The following EFCAB6 variants were observed in gnomAD, a reference collection of about 807,000 sequenced individuals.
EFCAB6 encodes EF-hand calcium binding domain 6, also known as EF-hand calcium-binding domain-containing protein 6.
In EFCAB6, 156 loss-of-function variants were observed where a neutral mutation model predicts 169.8. The ratio of observed to expected loss-of-function variants is 0.92; its 90% CI spans 0.81 to 1.05. EFCAB6 has a LOEUF of 1.05. EFCAB6 is among the 50% of genes least tolerant of loss of function. The pLI is 0.00. For missense variants in EFCAB6, 1,800 were observed against 1,829.1 expected (o/e 0.98, Z 0.29); for synonymous variants, 698 against 676.4 (o/e 1.03, Z -0.50).
chr22:43,690,406 C>G (rs990561600), intron 10 of EFCAB6, among the ~76,000 whole-genome samples: 4 of 150,192 alleles, frequency 2.7e-5, no homozygotes, highest in Middle Eastern at 3.2e-3. Context: ...ATCCCAGCTA[C>G]TCAGGAGGCT....
chr22:43,655,863 G>C (rs2056713696), intron 17 of EFCAB6, among the ~76,000 whole-genome samples: 1 of 152,156 alleles, frequency 6.6e-6, no homozygotes, highest in Non-Finnish European at 1.5e-5. Flanking sequence ...AGATGACATA[G>C]GCCTGAAGGC....
chr22:43,614,175 T>A (rs1340763480), intron 21 of EFCAB6, among the ~76,000 whole-genome samples: 2 of 9,120 alleles, frequency 2.2e-4, no homozygotes, highest in East Asian at 3.5e-3. Flanking sequence ...AACACAATAC[T>A]GCAAAAAAAA....
chr22:43,611,330 T>A (rs1602596575), intron 21 of EFCAB6, among the ~76,000 whole-genome samples: 1 of 152,322 alleles, frequency 6.6e-6, no homozygotes, highest in Non-Finnish European at 1.5e-5. Flanking sequence ...TACAAAACAC[T>A]GCTCAAAGAT....
rs2054995320 is a variant in EFCAB6 at position 43,632,139 on chromosome 22, T to G, written c.2198A>C (p.Lys733Thr). The G allele has an allele frequency of 6.2e-7, 1 of 1,614,158 alleles. No homozygotes were observed. Among genetic ancestry groups the G allele is most frequent in the Non-Finnish European group, 8.5e-7 (1 of 1,180,020 alleles). Residue 733 changes from lysine to threonine, a missense_variant, in exon 19 of 32, where the codon AAG becomes ACG. Lys to Thr is a moderately conservative substitution (Grantham distance 78). Transcript: ENST00000262726. ...SHFITAEECL[K>T]LFPRRLKESF... ...CTCCTTCAGCCTCCTAGGGAAAAGC[T>G]TCAGGCATTCTTCTGCGGTGATAAA... is the stretch of plus-strand genomic sequence containing the variant.
chr22:43,763,938 T>A lies in EFCAB6; in HGVS notation c.440+1367A>T, dbSNP rs78577795. On this transcript the variant is annotated intron_variant, in intron 5 of 31. Coordinates refer to ENST00000262726, the MANE Select transcript of EFCAB6 (RefSeq NM_022785.4). ...CCACCATGCTCAGCTAATTTTTAAGTTTTTTGTAGAGATGAGATCTCACTA... is the reference window on the plus strand; with the variant it reads ...CCACCATGCTCAGCTAATTTTTAAGATTTTTGTAGAGATGAGATCTCACTA... 2.7e-3 allele frequency among the ~76,000 whole-genome samples: 408 copies of A among 151,780 alleles called. 2 individuals are homozygous for A. Among genetic ancestry groups the A allele is most frequent in the African/African-American group, 9.4e-3 (390 of 41,370 alleles).
At chr22:43,658,741 G>A (rs2056868762) in intron 17 of EFCAB6, among the ~76,000 whole-genome samples, 1 of 152,206 alleles carries the variant, frequency 6.6e-6, no homozygotes. Context: ...GGAGGAATAA[G>A]TAACAACTTC....
intron 11 of EFCAB6, among the ~76,000 whole-genome samples, chr22:43,685,738 T>C (rs1018711097): frequency 1.3e-5 from 2 of 152,206 alleles, no homozygotes; most frequent in Admixed American, 6.5e-5. Context: ...GTGCATGCGA[T>C]TACCCACCAT....
chr22:43,769,761 T>A (rs1301105071), intron 4 of EFCAB6, among the ~76,000 whole-genome samples: 1 of 151,992 alleles, frequency 6.6e-6, no homozygotes, highest in Admixed American at 6.6e-5. Flanking sequence ...GAGGGCATCA[T>A]CATAGTGGGG....
intron 25 of EFCAB6, 69 bp from the exon 26 acceptor site, chr22:43,576,557 A>C: frequency 1.5e-6 from 2 of 1,354,628 alleles, no homozygotes; most frequent in Non-Finnish European, 9.8e-7. Flanking sequence ...CACTTTCCTT[A>C]AGTACTGTTT....
chr22:43,669,917 C>T (rs140217650), intron 15 of EFCAB6, among the ~76,000 whole-genome samples: 2 of 152,264 alleles, frequency 1.3e-5, no homozygotes, highest in East Asian at 1.9e-4. Flanking sequence ...CATGTAGAGT[C>T]GAGTCCATCA....
chr22:43,598,050 G>A (rs1269569585), intron 23 of EFCAB6, among the ~76,000 whole-genome samples: 2 of 152,112 alleles, frequency 1.3e-5, no homozygotes, highest in African/African-American at 4.8e-5. Flanking sequence ...AGTGGCTCAC[G>A]CCTGTAAGAC....
chr22:43,636,898 C>T (rs909160030), intron 17 of EFCAB6, among the ~76,000 whole-genome samples: 3 of 152,126 alleles, frequency 2.0e-5, no homozygotes, highest in South Asian at 2.1e-4. Context: ...CCACCACGCC[C>T]GTCCTCAAAC....
In EFCAB6 at chr22:43,626,568, AC is replaced by A. The variant is rs751475502; in HGVS notation, c.2343del (p.Glu781AspfsTer11). ...LHLLLNLKDD[E>X]FERFLGLLGL... is the part of the protein sequence containing the mutation. Reference sequence around the variant, plus strand: ...CCAAGAAGGCCAAGGAAGCGCTCAAACTCGTCGTCTTTGAGATTAAGCAGTA... The same window carrying A: ...CCAAGAAGGCCAAGGAAGCGCTCAAATCGTCGTCTTTGAGATTAAGCAGTA... On this transcript the variant is annotated frameshift_variant, in exon 20 of 32. Coordinates refer to ENST00000262726, the MANE Select transcript of EFCAB6 (RefSeq NM_022785.4). LOFTEE classifies it high-confidence loss of function. 3 of 1,613,708 alleles carry A rather than the reference AC, an allele frequency of 1.9e-6. No homozygotes were observed. Among genetic ancestry groups the A allele is most frequent in the Non-Finnish European group, 2.5e-6 (3 of 1,179,986 alleles).
chr22:43,771,814 G>C (rs550570286), intron 4 of EFCAB6, among the ~76,000 whole-genome samples: 13 of 152,152 alleles, frequency 8.5e-5, no homozygotes, highest in African/African-American at 3.1e-4. Context: ...GATAAATGTC[G>C]AACTGTTTTA....
At chr22:43,703,534 G>C (rs2058840840) in intron 10 of EFCAB6, among the ~76,000 whole-genome samples, 1 of 151,998 alleles carries the variant, frequency 6.6e-6, no homozygotes, top group Admixed American at 6.6e-5. Flanking sequence ...TTAAATGATA[G>C]ACAAGGAATT....
intron 17 of EFCAB6, among the ~76,000 whole-genome samples, chr22:43,652,815 C>T (rs188265176): frequency 0.017 from 2,041 of 121,722 alleles, 55 homozygotes; most frequent in African/African-American, 0.054. Flanking sequence ...ATTGGAAATA[C>T]CAGAAAAAAA....
intron 6 of EFCAB6, 34 bp downstream of exon 6, chr22:43,755,732 T>C (rs1229073046): frequency 6.5e-7 from 1 of 1,549,816 alleles, no homozygotes; most frequent in East Asian, 2.3e-5. Context: ...ATGGGTGGGG[T>C]GGGGGGAAAT....
chr22:43,721,584 A>G (rs961354588), intron 8 of EFCAB6, among the ~76,000 whole-genome samples: 1 of 152,206 alleles, frequency 6.6e-6, no homozygotes, highest in African/African-American at 2.4e-5. Flanking sequence ...ACTCAGAAAT[A>G]AAGCTACCCA....
intron 22 of EFCAB6, among the ~76,000 whole-genome samples, chr22:43,605,030 T>C (rs1049730175): frequency 6.6e-6 from 1 of 152,178 alleles, no homozygotes; most frequent in African/African-American, 2.4e-5. Flanking sequence ...CCTGGTTAAA[T>C]GAGGCTACAG....
Sources: gnomAD v4.1 joint callset for allele counts (sites outside exome capture counted in the v4.1 genomes callset) on GRCh38, gnomAD v4.1.1 for gene constraint, MANE v1.5 for transcripts, NCBI Gene and HGNC (gene_info 2026-07-23, HGNC 2026-07-21) for gene names.